The following RIMOC1 variants were observed in gnomAD, a reference collection of about 807,000 sequenced individuals.
The protein encoded by RIMOC1 is RAB7A-interacting MON1-CCZ1 complex subunit 1.
At chr5:41,917,306 C>A in the RIMOC1 span, 12 of 1,579,172 alleles carry the variant, frequency 7.6e-6, no homozygotes, top group South Asian at 1.2e-5. Flanking sequence ...CTAGTAAGTT[C>A]ATCTAGTCCT....
the RIMOC1 span, among the ~76,000 whole-genome samples, chr5:41,905,024 G>A: frequency 6.6e-6 from 1 of 152,188 alleles, no homozygotes; most frequent in Non-Finnish European, 1.5e-5. Flanking sequence ...ACTTGTTTTG[G>A]AAAGGTCTAA....
chr5:41,904,949 T>C, the RIMOC1 span, among the ~76,000 whole-genome samples: 54 of 152,324 alleles, frequency 3.5e-4, no homozygotes, highest in African/African-American at 1.3e-3. Context: ...TTTACATTGG[T>C]GTGTAGACTA....
At chr5:41,917,324 T>G in the RIMOC1 span, 1 of 1,555,876 alleles carries the variant, frequency 6.4e-7, no homozygotes, top group South Asian at 1.2e-5. Context: ...CCTTTTCAAA[T>G]AGAAAAACAA....
At chr5:41,917,124 C>T in the RIMOC1 span, 2 of 1,613,764 alleles carry the variant, frequency 1.2e-6, no homozygotes, top group Non-Finnish European at 1.7e-6. Flanking sequence ...GAAGTGGATA[C>T]TAGTGTGTCT....
At chr5:41,916,960 T>C in the RIMOC1 span, 1 of 1,440,078 alleles carries the variant, frequency 6.9e-7, no homozygotes, top group Non-Finnish European at 9.4e-7. Flanking sequence ...AGTTAATAAC[T>C]ACGGTTTCTT....
the RIMOC1 span, among the ~76,000 whole-genome samples, chr5:41,914,450 CTG>C: frequency 7.1e-6 from 1 of 141,750 alleles, no homozygotes; most frequent in African/African-American, 2.6e-5. Context: ...GAGCCAGACT[CTG>C]TCTCAAACAA....
At chr5:41,905,290 T>C in the RIMOC1 span, among the ~76,000 whole-genome samples, 1 of 152,214 alleles carries the variant, frequency 6.6e-6, no homozygotes, top group African/African-American at 2.4e-5. Flanking sequence ...TGAAATGCCT[T>C]AGTTTCAGTG....
At chr5:41,912,819 T>C in the RIMOC1 span, among the ~76,000 whole-genome samples, 1 of 152,160 alleles carries the variant, frequency 6.6e-6, no homozygotes, top group Admixed American at 6.6e-5. Flanking sequence ...ATCAAGCCTC[T>C]GTCAGCATAT....
chr5:41,920,440 C>G, the RIMOC1 span: 1 of 152,164 alleles, frequency 6.6e-6, no homozygotes, highest in Non-Finnish European at 1.5e-5. Context: ...GTATGCCTAC[C>G]ATATGCCAGA....
the RIMOC1 span, chr5:41,918,851 G>C: frequency 2.5e-6 from 2 of 784,554 alleles, no homozygotes; most frequent in Non-Finnish European, 3.1e-6. Flanking sequence ...TCCCATTTTA[G>C]AGGAAAAGAG....
At chr5:41,909,510 G>A in the RIMOC1 span, among the ~76,000 whole-genome samples, 5 of 151,934 alleles carry the variant, frequency 3.3e-5, no homozygotes, top group Non-Finnish European at 7.4e-5. Flanking sequence ...TTTTTTGAGG[G>A]AAAGAAAGAT....
the RIMOC1 span, among the ~76,000 whole-genome samples, chr5:41,911,726 A>G: frequency 1.8e-4 from 27 of 152,328 alleles, 1 homozygote; most frequent in East Asian, 5.2e-3. Flanking sequence ...TTATAACCAC[A>G]TACATGTTTT....
chr5:41,918,764 A>G, the RIMOC1 span: 3 of 985,160 alleles, frequency 3.0e-6, no homozygotes, highest in Non-Finnish European at 3.6e-6. Flanking sequence ...CTCCCCTAGC[A>G]TATGGCTCTT....
At chr5:41,904,377 G>A in the RIMOC1 span, 2 of 1,613,100 alleles carry the variant, frequency 1.2e-6, no homozygotes, top group Admixed American at 1.7e-5. Context: ...CATGGCGGCC[G>A]CAGTCTCTAG....
chr5:41,904,354 C>T, the RIMOC1 span: 42 of 1,612,900 alleles, frequency 2.6e-5, no homozygotes, highest in Non-Finnish European at 3.2e-5. Flanking sequence ...GGGGCGCACC[C>T]GCCGATTGTG....
the RIMOC1 span, chr5:41,916,536 CT>C: frequency 4.7e-6 from 4 of 853,164 alleles, no homozygotes; most frequent in Non-Finnish European, 5.6e-6. Flanking sequence ...ATTTCTTAGA[CT>C]TTTAGAGAAT....
At chr5:41,909,761 A>G in the RIMOC1 span, 10 of 1,530,574 alleles carry the variant, frequency 6.5e-6, no homozygotes, top group African/African-American at 1.4e-4. Context: ...TTTGGACATG[A>G]CATATTTTGA....
chr5:41,910,214 C>T, the RIMOC1 span, among the ~76,000 whole-genome samples: 1 of 152,052 alleles, frequency 6.6e-6, no homozygotes, highest in African/African-American at 2.4e-5. Flanking sequence ...CTAATTACCA[C>T]GTCTGTTCTT....
the RIMOC1 span, among the ~76,000 whole-genome samples, chr5:41,915,208 G>T: frequency 1.0e-3 from 153 of 152,188 alleles, no homozygotes; most frequent in Middle Eastern, 3.4e-3. Context: ...CAGATAAAAG[G>T]GTTATAAAAA....
Sources: allele counts gnomAD v4.1 joint callset (sites outside exome capture counted in the v4.1 genomes callset), GRCh38; gene constraint gnomAD v4.1.1; transcripts MANE v1.5; gene names NCBI Gene and HGNC (gene_info 2026-07-23, HGNC 2026-07-21).